Variants in IMPA2 observed in about 807,000 individuals in gnomAD.
IMPA2 encodes the protein inositol monophosphatase 2.
A neutral mutation model predicts 35.1 loss-of-function variants in IMPA2; 32 were observed. The ratio of observed to expected loss-of-function variants is 0.91; its 90% CI spans 0.69 to 1.23. The LOEUF is 1.23. IMPA2 is among the 50% of genes most tolerant of loss of function. IMPA2 has a pLI of 0.00. For synonymous variants in IMPA2, 135 were observed against 160.6 expected, an observed-to-expected ratio of 0.84 and a Z score of 1.20; for missense variants, 334 against 387.6, an observed-to-expected ratio of 0.86 and a Z score of 1.16.
chr18:12,007,948 T>C (rs1326067698), intron 2 of IMPA2, among the ~76,000 whole-genome samples: 1 of 151,784 alleles, frequency 6.6e-6, no homozygotes, highest in Non-Finnish European at 1.5e-5. Flanking sequence ...CAGCTAATTT[T>C]TGTATTTTTA....
rs1261111379 is a variant in IMPA2, at chr18:12,030,449, T to A, written c.858T>A (p.Asp286Glu). 6.2e-7 allele frequency: 1 copy of A among 1,613,858 alleles called. No homozygotes were observed. The highest frequency in any genetic ancestry group is 8.5e-7 in the Non-Finnish European group (1 of 1,179,738). The change falls in exon 8 of 8, where the codon GAT (aspartate) becomes GAA (glutamate). Residue 286 changes from aspartate (D) to glutamate (E), a missense_variant. Asp to Glu is a conservative substitution (Grantham distance 45). Transcript: ENST00000269159. ...AGACGATTAACTATGGGCGGGATGA[T>A]GAGAAGTGACTGCGGCTGAGGCAAA... Reference protein sequence around the residue: ...ALQTINYGRDDEK With the variant: ...ALQTINYGRDEEK
chr18:12,002,030 C>G (rs992986382), intron 2 of IMPA2, among the ~76,000 whole-genome samples: 3 of 152,124 alleles, frequency 2.0e-5, no homozygotes, highest in African/African-American at 7.2e-5. Context: ...ACATCAAATG[C>G]AGTTGTTTTT....
At chr18:12,016,866 A>C (rs1349874231) in intron 5 of IMPA2, among the ~76,000 whole-genome samples, 1 of 152,268 alleles carries the variant, frequency 6.6e-6, no homozygotes, top group Non-Finnish European at 1.5e-5. Flanking sequence ...CACCCAGCAT[A>C]GTGCCTGGGG....
chr18:12,010,051 C>G lies in IMPA2; in HGVS notation c.335+64C>G, dbSNP rs1907391991. The G allele has an allele frequency of 1.5e-6, 2 of 1,310,416 alleles. No homozygotes were observed. Among genetic ancestry groups the G allele is most frequent in the Admixed American group, 1.7e-5 (1 of 57,940 alleles). 81.2% of individuals were successfully genotyped at this position (1,310,416 alleles called of 1,614,324 possible). On this transcript the variant is annotated intron_variant, in intron 3 of 7. Transcript: ENST00000269159. The surrounding 1 kb of genome is among the most constrained non-coding windows in gnomAD (Gnocchi z 4.8). Reference sequence around the variant, plus strand: ...CATGTCCTCTTCTGTGAGGTTTTGTCTTTTCAAAAGCAGCATTTTTTAAGG... The same window carrying G: ...CATGTCCTCTTCTGTGAGGTTTTGTGTTTTCAAAAGCAGCATTTTTTAAGG...
At chr18:12,003,703 C>T (rs970566015) in intron 2 of IMPA2, among the ~76,000 whole-genome samples, 4 of 149,010 alleles carry the variant, frequency 2.7e-5, no homozygotes, top group South Asian at 4.3e-4. Context: ...ATGGTAAGGC[C>T]GGGTTTTTAT....
chr18:12,014,647 T>A (rs1400955794), intron 5 of IMPA2, among the ~76,000 whole-genome samples: 1 of 151,970 alleles, frequency 6.6e-6, no homozygotes, highest in Non-Finnish European at 1.5e-5. Context: ...GCAGTCACGA[T>A]TTGGTTGTAG....
chr18:12,013,905 A>G (rs1250486433), intron 4 of IMPA2, among the ~76,000 whole-genome samples: 1 of 152,220 alleles, frequency 6.6e-6, no homozygotes, highest in East Asian at 1.9e-4. Flanking sequence ...GGGTTTGGTT[A>G]GAGTCACAAG....
chr18:12,019,080 C>T (rs1374077376), intron 5 of IMPA2, among the ~76,000 whole-genome samples: 1 of 152,130 alleles, frequency 6.6e-6, no homozygotes, highest in Non-Finnish European at 1.5e-5. Flanking sequence ...CCCACCTCAG[C>T]GTCTCAAAGT....
chr18:12,024,584 A>G (rs1172688799), intron 5 of IMPA2, among the ~76,000 whole-genome samples: 1 of 152,180 alleles, frequency 6.6e-6, no homozygotes, highest in East Asian at 1.9e-4. Flanking sequence ...CTGCCACTTC[A>G]CTTTCTTGTC....
At chr18:12,023,726 GGTCATTAACACTGGTGCCAGCAA>G (rs1287224726) in intron 5 of IMPA2, among the ~76,000 whole-genome samples, 4 of 152,102 alleles carry the variant, frequency 2.6e-5, no homozygotes, top group Non-Finnish European at 5.9e-5. Flanking sequence ...CTCTTCCCAG[GGTCATTAACACTGGTGCCAGCAA>G]GTGCCCTGTG....
intron 5 of IMPA2, among the ~76,000 whole-genome samples, chr18:12,021,510 T>C (rs8097847): frequency 0.63 from 96,323 of 151,994 alleles, 31,550 homozygotes; most frequent in African/African-American, 0.69. Flanking sequence ...CCTCTTACTC[T>C]GTGAGTACGT....
chr18:11,991,075 C>T lies in IMPA2; in HGVS notation c.97-7979C>T, dbSNP rs573349275. ...GAAGCTCAGCTGCTGAAGGCAGGTC[C>T]GAGGGCTTGCAAACACCCACTTTCA... is the stretch of plus-strand genomic sequence containing the variant. On this transcript the variant is annotated intron_variant, in intron 1 of 7. Coordinates refer to ENST00000269159, the MANE Select transcript of IMPA2 (RefSeq NM_014214.3). This position sits in a 1 kb window ranked among gnomAD's most constrained non-coding sequence, Gnocchi z 4.1. Among the ~76,000 whole-genome samples the T allele has an allele frequency of 2.0e-5, 3 of 152,224 alleles. No homozygotes were observed. The highest frequency in any genetic ancestry group is 2.1e-4 in the South Asian group (1 of 4,816).
At chr18:11,996,848 C>T (rs1204902758) in intron 1 of IMPA2, among the ~76,000 whole-genome samples, 2 of 152,134 alleles carry the variant, frequency 1.3e-5, no homozygotes, top group East Asian at 3.9e-4. Flanking sequence ...CAACCCCACA[C>T]CACACCAACA....
rs959463767 is a variant in IMPA2, at chr18:12,028,694, A to G, written c.600-148A>G. On this transcript the variant is annotated intron_variant, in intron 6 of 7. Coordinates refer to ENST00000269159, the MANE Select transcript of IMPA2 (RefSeq NM_014214.3). ...GTTGGTTGGTGGCTCCAGGCCCTAT[A>G]TTCAGCCTCCAGAGCTTTGGCAGAA... 7 of 932,518 alleles carry G rather than the reference A, an allele frequency of 7.5e-6. 1 individual carries two copies. Among genetic ancestry groups the G allele is most frequent in the Middle Eastern group, 3.5e-4 (1 of 2,870 alleles). The allele number at this position is 932,518 out of a possible 1,614,324, so 57.8% of individuals were successfully genotyped here. A position where few individuals can be genotyped will look rare whatever the true frequency, so the allele number is the denominator to read the frequency against.
chr18:12,003,906 A>G (rs1432958352), intron 2 of IMPA2, among the ~76,000 whole-genome samples: 1 of 152,206 alleles, frequency 6.6e-6, no homozygotes, highest in Non-Finnish European at 1.5e-5. Flanking sequence ...CCTTCTGTGG[A>G]GCAGCCTGTT....
intron 5 of IMPA2, among the ~76,000 whole-genome samples, chr18:12,023,443 C>T (rs1022307266): frequency 6.6e-6 from 1 of 152,204 alleles, no homozygotes; most frequent in Admixed American, 6.5e-5. Flanking sequence ...ATTGCTGTTT[C>T]TTGCACACAA....
chr18:11,994,552 GTA>G (rs1417949188), intron 1 of IMPA2, among the ~76,000 whole-genome samples: 2 of 152,204 alleles, frequency 1.3e-5, no homozygotes, highest in African/African-American at 2.4e-5. Flanking sequence ...ACACAGCTGT[GTA>G]TGTTTTGAAT....
chr18:11,990,368 G>T (rs1180344766), intron 1 of IMPA2, among the ~76,000 whole-genome samples: 5 of 152,152 alleles, frequency 3.3e-5, no homozygotes, highest in Admixed American at 6.5e-5. Flanking sequence ...AAAAAAGCAG[G>T]AGTCAGCTAG....
rs1907751187 is a variant in IMPA2 at position 12,022,289 on chromosome 18, T to C, written c.491-5754T>C. Among the ~76,000 whole-genome samples the C allele has an allele frequency of 2.0e-5, 3 of 151,832 alleles. No homozygotes were observed. The South Asian group carries it at 6.2e-4, about 32-fold the overall frequency. On this transcript the variant is annotated intron_variant, in intron 5 of 7. Coordinates refer to ENST00000269159, the MANE Select transcript of IMPA2 (RefSeq NM_014214.3). Reference sequence around the variant, plus strand: ...GCTCACGCCTGTAATCCTAGCACTTTGGGAGGCCGAGGTGGGTGGATCAGT... The same window carrying C: ...GCTCACGCCTGTAATCCTAGCACTTCGGGAGGCCGAGGTGGGTGGATCAGT...
Sources: gnomAD v4.1 joint callset for allele counts (sites outside exome capture counted in the v4.1 genomes callset) on GRCh38, gnomAD v4.1.1 for gene constraint, Gnocchi (gnomAD v3.1) non-coding constraint, MANE v1.5 for transcripts, NCBI Gene and HGNC (gene_info 2026-07-23, HGNC 2026-07-21) for gene names.